Variants in FBLN7 observed in about 807,000 individuals in gnomAD.
FBLN7 encodes the protein fibulin 7, also known as fibulin-7.
Under a neutral mutation model 44.0 loss-of-function variants are expected in FBLN7, and 31 were observed. That is an observed-to-expected ratio of 0.70 (90% CI 0.53 to 0.95). FBLN7 has a LOEUF of 0.95. Among genes scored for constraint, FBLN7 ranks in the 40% least tolerant of loss-of-function variants. FBLN7 has a pLI of 0.00. For missense variants in FBLN7, 573 were observed against 618.5 expected (o/e 0.93, Z 0.78); for synonymous variants, 262 against 253.4 (o/e 1.03, Z -0.32).
At chr2:112,164,739 G>A (rs879085647) in intron 2 of FBLN7, among the ~76,000 whole-genome samples, 11 of 152,198 alleles carry the variant, frequency 7.2e-5, no homozygotes, top group African/African-American at 1.2e-4. Flanking sequence ...GGCCTCCCAC[G>A]CTTCGAGGCC....
chr2:112,156,184 T>C (rs1400941772), intron 1 of FBLN7, among the ~76,000 whole-genome samples: 1 of 152,224 alleles, frequency 6.6e-6, no homozygotes, highest in Non-Finnish European at 1.5e-5. Context: ...GGCTCAGTCC[T>C]ATCAATCCCT....
At chr2:112,152,691 T>C (rs1191392175) in intron 1 of FBLN7, 2 of 151,942 alleles carry the variant, frequency 1.3e-5, no homozygotes, top group South Asian at 2.1e-4. Context: ...GAGGAGGGAG[T>C]TGGGCCTCCA....
chr2:112,141,216 G>A (rs1680631892), intron 1 of FBLN7, among the ~76,000 whole-genome samples: 1 of 152,214 alleles, frequency 6.6e-6, no homozygotes, highest in Non-Finnish European at 1.5e-5. Flanking sequence ...CTGTGAAGTG[G>A]GGACTGTTAC....
chr2:112,161,201 CAA>C (rs772696761), intron 2 of FBLN7, among the ~76,000 whole-genome samples: 3 of 152,158 alleles, frequency 2.0e-5, no homozygotes, highest in Non-Finnish European at 4.4e-5. Flanking sequence ...CATGTTCATT[CAA>C]AGTCAGGAGC....
chr2:112,182,566 A>G (rs898409952), intron 5 of FBLN7, among the ~76,000 whole-genome samples: 1 of 151,038 alleles, frequency 6.6e-6, no homozygotes, highest in Non-Finnish European at 1.5e-5. Context: ...GCTCCCTCTC[A>G]CTCCTCCTTT....
chr2:112,217,053 C>A, the FBLN7 span, among the ~76,000 whole-genome samples: 3 of 152,112 alleles, frequency 2.0e-5, no homozygotes, highest in Non-Finnish European at 4.4e-5. Flanking sequence ...ATACAAGAAA[C>A]AAACCTAAAA....
the FBLN7 span, among the ~76,000 whole-genome samples, chr2:112,197,766 G>A: frequency 1.3e-5 from 2 of 152,198 alleles, no homozygotes; most frequent in Non-Finnish European, 2.9e-5. Flanking sequence ...TGTAACTGCA[G>A]CTAAATTTAA....
the FBLN7 span, among the ~76,000 whole-genome samples, chr2:112,242,688 C>A: frequency 6.6e-6 from 1 of 152,128 alleles, no homozygotes; most frequent in Non-Finnish European, 1.5e-5. Flanking sequence ...TAAAAGAAAA[C>A]AATGTATGTT....
At chr2:112,138,823 T>C (rs1382059869) in intron 1 of FBLN7, 93 bp downstream of exon 1, 1 of 542,816 alleles carries the variant, frequency 1.8e-6, no homozygotes, top group Non-Finnish European at 2.2e-6. Context: ...CCAGCGTCCC[T>C]CCCGCCTCTC....
chr2:112,140,660 T>C (rs1680597066), intron 1 of FBLN7, among the ~76,000 whole-genome samples: 1 of 152,154 alleles, frequency 6.6e-6, no homozygotes, highest in African/African-American at 2.4e-5. Context: ...CCATGAGAGC[T>C]CCAGGTCACC....
the FBLN7 span, among the ~76,000 whole-genome samples, chr2:112,241,137 G>C: frequency 6.6e-6 from 1 of 151,768 alleles, no homozygotes; most frequent in Admixed American, 6.6e-5. Flanking sequence ...TGAGAAATGG[G>C]GCTATAAATG....
chr2:112,158,974 T>C (rs1057371085), intron 1 of FBLN7, among the ~76,000 whole-genome samples: 1 of 152,218 alleles, frequency 6.6e-6, no homozygotes, highest in Non-Finnish European at 1.5e-5. Flanking sequence ...ACACTGCCGA[T>C]GCCTTGATCT....
intron 1 of FBLN7, among the ~76,000 whole-genome samples, chr2:112,157,237 G>T (rs1681478166): frequency 6.6e-6 from 1 of 152,080 alleles, no homozygotes; most frequent in Admixed American, 6.5e-5. Flanking sequence ...GGGCATGGCG[G>T]TGGGCACCTG....
the FBLN7 span, among the ~76,000 whole-genome samples, chr2:112,232,293 C>G: frequency 5.4e-5 from 6 of 110,288 alleles, no homozygotes; most frequent in African/African-American, 1.7e-4. Flanking sequence ...CCAGCCTGGG[C>G]AACAGAGCAA....
chr2:112,221,913 G>A, the FBLN7 span, among the ~76,000 whole-genome samples: 1 of 152,178 alleles, frequency 6.6e-6, no homozygotes, highest in African/African-American at 2.4e-5. Flanking sequence ...AACTGGTACA[G>A]TCATTTGGAG....
the FBLN7 span, among the ~76,000 whole-genome samples, chr2:112,238,901 TGC>T: frequency 6.6e-6 from 1 of 152,232 alleles, no homozygotes; most frequent in Non-Finnish European, 1.5e-5. Context: ...TTTCTGCCTT[TGC>T]ATTGACAGTA....
chr2:112,223,366 AACAC>A, the FBLN7 span, among the ~76,000 whole-genome samples: 4 of 152,208 alleles, frequency 2.6e-5, no homozygotes, highest in African/African-American at 7.2e-5. Context: ...AATTTCTAGA[AACAC>A]ACAAACAATC....
chr2:112,226,777 T>G, the FBLN7 span, among the ~76,000 whole-genome samples: 1 of 151,928 alleles, frequency 6.6e-6, no homozygotes, highest in African/African-American at 2.4e-5. Context: ...AAGCTACACA[T>G]GAATATCCCT....
the FBLN7 span, among the ~76,000 whole-genome samples, chr2:112,204,541 G>T: frequency 6.6e-6 from 1 of 152,000 alleles, no homozygotes; most frequent in Non-Finnish European, 1.5e-5. Flanking sequence ...AAGTCAAAAA[G>T]AATTTTTAAA....
Sources: gnomAD v4.1 joint callset for allele counts (sites outside exome capture counted in the v4.1 genomes callset) on GRCh38, gnomAD v4.1.1 for gene constraint, MANE v1.5 for transcripts, NCBI Gene and HGNC (gene_info 2026-07-23, HGNC 2026-07-21) for gene names.